Variants in POLE observed in about 807,000 individuals in gnomAD.
POLE encodes DNA polymerase epsilon, catalytic subunit, also known as DNA polymerase epsilon catalytic subunit A.
Under a neutral mutation model 279.2 loss-of-function variants are expected in POLE, and 188 were observed. The ratio of observed to expected loss-of-function variants is 0.67; its 90% CI spans 0.60 to 0.76. POLE has a LOEUF of 0.76. Ranked by LOEUF, POLE falls within the 30% of genes least tolerant of loss-of-function variation. The probability of loss-of-function intolerance (pLI) is 0.00; values close to 1 mark genes in which losing one functional copy is unlikely to be tolerated. For missense variants in POLE, 2,703 were observed against 3,016.7 expected (o/e 0.90, Z 2.44); for synonymous variants, 1,214 against 1,172.5 (o/e 1.04, Z -0.72).
intron 37 of POLE, 47 bp downstream of exon 37, chr12:132,642,459 G>T (rs367714173): frequency 5.0e-6 from 8 of 1,600,952 alleles, no homozygotes; most frequent in Non-Finnish European, 6.8e-6. Context: ...CACCGAGGCC[G>T]GCTCTGCCTG....
At chr12:132,682,717 C>G (rs2043195535) in intron 1 of POLE, among the ~76,000 whole-genome samples, 1 of 151,934 alleles carries the variant, frequency 6.6e-6, no homozygotes. Context: ...TTTGGGAGGC[C>G]AAGGAGGGTG....
rs769459883 is a variant in POLE, at chr12:132,664,429, G to A, written c.2502C>T (p.Ile834=). ...ARWYSMEMAG[I]VCFTGANIIT... Reference sequence around the variant, plus strand: ...TGATGTTGGCCCCTGTGAAGCAGACGATGCCAGCCATCTCCATGGAGTACC... The same window carrying A: ...TGATGTTGGCCCCTGTGAAGCAGACAATGCCAGCCATCTCCATGGAGTACC... The change falls in exon 22 of 49, where the codon ATC becomes ATT. Residue 834 remains isoleucine, a synonymous_variant. Coordinates refer to ENST00000320574, the MANE Select transcript of POLE (RefSeq NM_006231.4). This position sits in a 1 kb window ranked among gnomAD's most constrained non-coding sequence, Gnocchi z 5.3. The A allele has an allele frequency of 6.8e-6, 11 of 1,613,936 alleles. 1 individual carries two copies. The highest frequency in any genetic ancestry group is 2.2e-5 in the East Asian group (1 of 44,896).
rs1156992662 is a variant in POLE, at chr12:132,643,211, G to A, written c.4551+13C>T. The A allele has an allele frequency of 3.1e-6, 5 of 1,610,140 alleles. No individual in the cohort carries two copies. Among genetic ancestry groups the A allele is most frequent in the Non-Finnish European group, 8.5e-7 (1 of 1,177,058 alleles). ...CCCAGCCAATGTGCTGCCATGGAGG[G>A]CCCAGGACTCACAGTGTCCAGCACA... On this transcript the variant is annotated intron_variant, in intron 35 of 48. Transcript: ENST00000320574.
intron 5 of POLE, 128 bp from the exon 6 acceptor site, chr12:132,679,779 G>T: frequency 8.9e-7 from 1 of 1,124,244 alleles, no homozygotes; most frequent in Non-Finnish European, 1.3e-6. Context: ...GTCCAACTCT[G>T]CACGTGGCAC....
chr12:132,675,468 C>T lies in POLE; in HGVS notation c.1156G>A (p.Glu386Lys), dbSNP rs893340262. 11 of 1,614,162 alleles carry T rather than the reference C, an allele frequency of 6.8e-6. No individual in the cohort carries two copies. The highest frequency in any genetic ancestry group is 1.3e-5 in the African/African-American group (1 of 75,046). ...AAVHGLSMQQ[E>K]IGFQKDSQGE... ...TGGCTGTCCTTCTGGAAGCCTATCT[C>T]CTGCTGCATGCTCAGACCGTGGACT... Residue 386 changes from glutamate to lysine, a missense_variant, in exon 12 of 49, where the codon GAG becomes AAG. Physicochemically the swap from Glu to Lys is moderately conservative, Grantham distance 56 (BLOSUM62 1). Transcript: ENST00000320574. The surrounding 1 kb of genome is among the most constrained non-coding windows in gnomAD (Gnocchi z 4.3).
intron 20 of POLE, 22 bp downstream of exon 20, chr12:132,667,481 C>G (rs2042822392): frequency 6.2e-7 from 1 of 1,612,522 alleles, no homozygotes; most frequent in Admixed American, 1.7e-5. Context: ...GAGGCCAAAG[C>G]TTGCAGCCCC....
intron 23 of POLE, among the ~76,000 whole-genome samples, chr12:132,663,437 A>T (rs2042722534): frequency 6.6e-6 from 1 of 152,254 alleles, no homozygotes; most frequent in Admixed American, 6.5e-5. Context: ...ACCTCAGTCT[A>T]GTCACGAGAA....
At position 132,661,644 on chromosome 12, in the gene POLE, G is replaced by A. The variant is rs766707934; in HGVS notation, c.2747C>T (p.Pro916Leu). The A allele has an allele frequency of 1.9e-6, 3 of 1,614,104 alleles. No homozygotes were observed. The highest frequency in any genetic ancestry group is 2.2e-5 in the East Asian group (1 of 44,878). Residue 916 changes from proline (P) to leucine (L), a missense_variant, in exon 24 of 49, where the codon CCG becomes CTG. By Grantham distance (98) the Pro-to-Leu change is moderately conservative. Coordinates refer to ENST00000320574, the MANE Select transcript of POLE (RefSeq NM_006231.4). This position sits in a 1 kb window ranked among gnomAD's most constrained non-coding sequence, Gnocchi z 4.1. ...GCGGGTGACGTAGGTGAGTGAGGAC[G>A]GCTCAGCCAGCTCCTGGTACTGGTC... ...TNDQYQELAE[P>L]SSLTYVTRSE...
In POLE at chr12:132,675,276, T is replaced by C; in HGVS notation, c.1226+122A>G. 3 of 1,293,220 alleles carry C rather than the reference T, an allele frequency of 2.3e-6. No homozygotes were observed. The highest frequency in any genetic ancestry group is 2.8e-5 in the South Asian group (2 of 70,442). The allele number at this position is 1,293,220 out of a possible 1,614,324, so 80.1% of individuals were successfully genotyped here. On this transcript the variant is annotated intron_variant, in intron 12 of 48. Transcript: ENST00000320574. The surrounding 1 kb of genome is among the most constrained non-coding windows in gnomAD (Gnocchi z 4.3). ...GCAGCTGCCATACTCTTGGGTGACC[T>C]GAAACGGCCTCTCGGAGGCCACCCT...
chr12:132,673,935 C>T lies in POLE; in HGVS notation c.1227-228G>A, dbSNP rs112332306. Among the ~76,000 whole-genome samples the T allele has an allele frequency of 2.6e-5, 4 of 152,156 alleles. No homozygotes were observed. In the East Asian group the frequency reaches 5.8e-4, roughly 22 times the overall value. ...AACACAAGGAAGCACCAGGACTGGT[C>T]CTTCCGGCCCTCGCCTTCCTCCCAT... On this transcript the variant is annotated intron_variant, in intron 12 of 48. Transcript: ENST00000320574.
At chr12:132,635,805 C>A (rs746091772) in intron 42 of POLE, 87 bp downstream of exon 42, 1 of 1,441,968 alleles carries the variant, frequency 6.9e-7, no homozygotes, top group Non-Finnish European at 9.4e-7. Flanking sequence ...CGGCCAGGCC[C>A]GCCGGGGCCC....
At chr12:132,647,056 C>T (rs7973238) in intron 32 of POLE, among the ~76,000 whole-genome samples, 81,359 of 151,876 alleles carry the variant, frequency 0.54, 23,092 homozygotes, top group African/African-American at 0.72. Flanking sequence ...TATACATCAT[C>T]TTACTTAGTC....
intron 35 of POLE, 42 bp downstream of exon 35, chr12:132,643,182 C>T (rs754894472): frequency 5.6e-6 from 9 of 1,594,848 alleles, no homozygotes; most frequent in Non-Finnish European, 7.7e-6. Context: ...TCCCCAAACC[C>T]TGCCCCAGCC....
intron 29 of POLE, among the ~76,000 whole-genome samples, chr12:132,655,825 T>C (rs929014162): frequency 2.6e-5 from 4 of 152,188 alleles, no homozygotes; most frequent in African/African-American, 9.7e-5. Context: ...TTTACTCCTT[T>C]TGCTTTTCCT....
At chr12:132,626,501 T>G (rs1284885721) in intron 45 of POLE, among the ~76,000 whole-genome samples, 184 bp from the exon 46 acceptor site, 1 of 152,198 alleles carries the variant, frequency 6.6e-6, no homozygotes, top group Non-Finnish European at 1.5e-5. Flanking sequence ...AGGACAGGCT[T>G]CCCTGGGGAA....
chr12:132,676,519 C>CT, intron 9 of POLE, 27 bp downstream of exon 9: 1 of 1,446,534 alleles, frequency 6.9e-7, no homozygotes, highest in Non-Finnish European at 9.7e-7. Flanking sequence ...ATCCCAGGAG[C>CT]TTACTTCCCA....
In POLE at chr12:132,649,821, G is replaced by C. The variant is rs765445494; in HGVS notation, c.3651C>G (p.Leu1217=). ...GGGCTGCTGGGTGAGGCAGCTTTACGAGGCCGAAGTCCTCCATGTCAGGAG... is the reference window on the plus strand; with the variant it reads ...GGGCTGCTGGGTGAGGCAGCTTTACCAGGCCGAAGTCCTCCATGTCAGGAG... ...PSAPDMEDFG[L]VKLPHPAAPV... The change falls in exon 30 of 49, where the codon CTC becomes CTG. Residue 1217 remains leucine (L), a synonymous_variant. Coordinates refer to ENST00000320574, the MANE Select transcript of POLE (RefSeq NM_006231.4). 6.2e-7 allele frequency: 1 copy of C among 1,614,132 alleles called. No individual in the cohort carries two copies. Among genetic ancestry groups the C allele is most frequent in the Non-Finnish European group, 8.5e-7 (1 of 1,180,038 alleles).
chr12:132,626,088 G>T, intron 46 of POLE, 29 bp downstream of exon 46: 1 of 1,567,760 alleles, frequency 6.4e-7, no homozygotes, highest in African/African-American at 1.4e-5. Context: ...CTGCTCCACA[G>T]TGAAGGGCCC....
intron 29 of POLE, among the ~76,000 whole-genome samples, chr12:132,654,826 G>A (rs954217186): frequency 1.3e-5 from 2 of 152,202 alleles, no homozygotes; most frequent in Admixed American, 6.5e-5. Flanking sequence ...ATTTTCCTAA[G>A]TCTTTTCAAA....
Sources: allele counts gnomAD v4.1 joint callset (sites outside exome capture counted in the v4.1 genomes callset), GRCh38; gene constraint gnomAD v4.1.1; non-coding constraint Gnocchi (gnomAD v3.1); transcripts MANE v1.5; gene names NCBI Gene and HGNC (gene_info 2026-07-23, HGNC 2026-07-21).